The following ZNF846 variants were observed in gnomAD, a reference collection of about 807,000 sequenced individuals.
The protein encoded by ZNF846 is zinc finger protein 420 pseudogene.
In ZNF846, 15 loss-of-function variants were observed where a neutral mutation model predicts 16.0. The observed-to-expected ratio is 0.94, with a 90% CI of 0.63 to 1.45. ZNF846 has a LOEUF of 1.45. ZNF846 is among the 40% of genes most tolerant of loss of function. The pLI is 0.00. For synonymous variants in ZNF846, 229 were observed against 212.0 expected, an observed-to-expected ratio of 1.08 and a Z score of -0.70; for missense variants, 714 against 622.3, an observed-to-expected ratio of 1.15 and a Z score of -1.57.
chr19:9,783,801 A>G (rs1056066043), intron 1 of ZNF846, among the ~76,000 whole-genome samples: 15 of 150,836 alleles, frequency 9.9e-5, no homozygotes, highest in African/African-American at 3.2e-4. Context: ...TGATCCTCCC[A>G]CCTCAGCCCC....
chr19:9,780,259 C>T (rs929500764), intron 1 of ZNF846, among the ~76,000 whole-genome samples: 6 of 151,586 alleles, frequency 4.0e-5, no homozygotes, highest in Admixed American at 2.0e-4. Flanking sequence ...AGTGGTCATT[C>T]ACAGGCATGA....
chr19:9,778,088 T>C (rs980780635), intron 1 of ZNF846, among the ~76,000 whole-genome samples: 1 of 151,932 alleles, frequency 6.6e-6, no homozygotes, highest in African/African-American at 2.4e-5. Context: ...TAAATATAAA[T>C]TTTCCCTGGA....
At chr19:9,757,089 G>A (rs1469041373), downstream of ZNF846, among the ~76,000 whole-genome samples, 2 of 151,414 alleles carry the variant, frequency 1.3e-5, no homozygotes, top group Non-Finnish European at 2.9e-5. Context: ...CAGCTACTCG[G>A]GAGGCTGAGG....
Position 9,785,218 on chromosome 19 carries a change from T to TG in ZNF846, c.-86+719_-86+720insC, listed in dbSNP as rs1555715032. ...CACCGAGATTTTTTTTTTTTTTTTT[T>TG]TTTGAGACGGAGTCTCGCTCTATCA... On this transcript the variant is annotated intron_variant, in intron 1 of 4. Transcript: ENST00000586814. Among the ~76,000 whole-genome samples, 209 of 149,860 alleles carry TG rather than the reference T, an allele frequency of 1.4e-3. 1 individual carries two copies. Among genetic ancestry groups the TG allele is most frequent in the African/African-American group, 5.0e-3 (205 of 40,712 alleles).
upstream of ZNF846, among the ~76,000 whole-genome samples, chr19:9,772,669 C>T (rs79599496): frequency 0.013 from 2,022 of 151,564 alleles, 117 homozygotes; most frequent in East Asian, 0.19. Context: ...AATATGGATT[C>T]AAATATGCTG....
At chr19:9,757,895 A>G in exon 6 of ZNF846, 1 of 1,613,514 alleles carries the variant, frequency 6.2e-7, no homozygotes, top group Non-Finnish European at 8.5e-7. Flanking sequence ...CTTTACATTC[A>G]TAGGGCTTTT....
chr19:9,751,021 C>T (rs1302494761), downstream of ZNF846, among the ~76,000 whole-genome samples: 1 of 152,182 alleles, frequency 6.6e-6, no homozygotes, highest in African/African-American at 2.4e-5. Context: ...AGTCAGGCAA[C>T]TAATTATGCT....
chr19:9,755,229 T>C (rs192003012), downstream of ZNF846, among the ~76,000 whole-genome samples: 5 of 151,662 alleles, frequency 3.3e-5, no homozygotes, highest in Admixed American at 3.3e-4. Context: ...TCCCACATGC[T>C]GTTCTTACTA....
intron 1 of ZNF846, among the ~76,000 whole-genome samples, chr19:9,778,487 G>A (rs2145311204): frequency 6.6e-6 from 1 of 152,196 alleles, no homozygotes. Context: ...AGAAAATGCA[G>A]GTGACAGAAA....
intron 1 of ZNF846, among the ~76,000 whole-genome samples, chr19:9,778,164 A>C (rs1040042164): frequency 6.6e-6 from 1 of 152,228 alleles, no homozygotes; most frequent in Admixed American, 6.5e-5. Context: ...TGTTCAAAGA[A>C]CTAAAGGAAG....
intron 4 of ZNF846, among the ~76,000 whole-genome samples, chr19:9,761,522 C>T (rs2045227923): frequency 6.6e-6 from 1 of 151,756 alleles, no homozygotes; most frequent in South Asian, 2.1e-4. Context: ...AACAGCCTGG[C>T]CAACATAGTG....
chr19:9,770,677 G>A (rs1408026103), upstream of ZNF846, among the ~76,000 whole-genome samples: 1 of 151,918 alleles, frequency 6.6e-6, no homozygotes, highest in Non-Finnish European at 1.5e-5. Context: ...AGACCAGCCT[G>A]GCCAACATGG....
At chr19:9,754,865 A>ATT (rs143571914), downstream of ZNF846, among the ~76,000 whole-genome samples, 2 of 144,320 alleles carry the variant, frequency 1.4e-5, no homozygotes, top group African/African-American at 5.2e-5. Flanking sequence ...TACCATGGGG[A>ATT]TTTTTTTTTC....
chr19:9,762,043 A>G (rs775129732), intron 4 of ZNF846, 39 bp downstream of exon 4: 2 of 1,546,106 alleles, frequency 1.3e-6, no homozygotes, highest in Middle Eastern at 3.4e-4. Flanking sequence ...CTAGGGTGGC[A>G]CAGCAGTGCC....
chr19:9,764,719 T>C (rs1450582954), intron 2 of ZNF846: 4 of 584,438 alleles, frequency 6.8e-6, no homozygotes, highest in South Asian at 5.9e-5. Flanking sequence ...GAGAGCCCCG[T>C]TGCACTGTGG....
At chr19:9,764,155 G>T (rs144265562) in intron 2 of ZNF846, among the ~76,000 whole-genome samples, 12 of 152,296 alleles carry the variant, frequency 7.9e-5, no homozygotes, top group African/African-American at 1.7e-4. Flanking sequence ...TGCATGGGGG[G>T]TGCCTGTCCA....
chr19:9,758,717 T>C lies in ZNF846; in HGVS notation c.360A>G (p.Gly120=), dbSNP rs115715859. Residue 120 remains glycine, a synonymous_variant, in exon 6 of 6, where the codon GGA becomes GGG. Coordinates refer to ENST00000397902, the Ensembl canonical transcript of ZNF846. ...GAAATGGGTGTTCATTGAAGACTTT[T>C]CCAGAATGGTTAGAGTCATACAGTT... The C allele has an allele frequency of 1.4e-3, 2,223 of 1,606,202 alleles. 118 individuals are homozygous for C. In the African/African-American group the frequency reaches 0.026, roughly 19 times the overall value.
chr19:9,776,492 G>A (rs919672286), intron 1 of ZNF846, among the ~76,000 whole-genome samples: 8 of 152,236 alleles, frequency 5.3e-5, no homozygotes, highest in African/African-American at 1.7e-4. Context: ...CTGCCAGGCA[G>A]GGAAGGGCCC....
chr19:9,753,463 C>T (rs913092478), downstream of ZNF846, among the ~76,000 whole-genome samples: 22 of 149,956 alleles, frequency 1.5e-4, no homozygotes, highest in Non-Finnish European at 2.7e-4. Context: ...ACCACCTTAG[C>T]CAGGATGGTC....
Sources: allele counts gnomAD v4.1 joint callset (sites outside exome capture counted in the v4.1 genomes callset), GRCh38; gene constraint gnomAD v4.1.1; transcripts MANE v1.5; gene names NCBI Gene and HGNC (gene_info 2026-07-23, HGNC 2026-07-21).